The following VTI1A variants were observed in gnomAD, a reference collection of about 807,000 sequenced individuals.
VTI1A encodes vesicle transport through interaction with t-SNAREs homolog 1A.
A neutral mutation model predicts 34.9 loss-of-function variants in VTI1A; 22 were observed. That is an observed-to-expected ratio of 0.63 (90% CI 0.45 to 0.90). The LOEUF (loss-of-function observed/expected upper bound fraction) is 0.90, where lower values mean the gene tolerates loss of function less well. Ranked by LOEUF, VTI1A falls within the 40% of genes least tolerant of loss-of-function variation. VTI1A has a pLI of 0.00. For missense variants in VTI1A, 268 were observed against 275.6 expected, an observed-to-expected ratio of 0.97 and a Z score of 0.20; for synonymous variants, 87 against 97.3, an observed-to-expected ratio of 0.89 and a Z score of 0.62.
Position 112,463,147 on chromosome 10 carries a change from A to C in VTI1A, c.154-1400A>C, listed in dbSNP as rs189686725. ...ACCTTGTTGGTCAGGCTAGTCTCAA[A>C]CTCCTGACCTCAGGTGATCTACCTG... On this transcript the variant is annotated intron_variant, in intron 2 of 7. Transcript: ENST00000393077. Among the ~76,000 whole-genome samples the C allele has an allele frequency of 7.2e-5, 11 of 151,892 alleles. No individual in the cohort carries two copies. In the East Asian group the frequency reaches 2.1e-3, roughly 29 times the overall value.
intron 5 of VTI1A, among the ~76,000 whole-genome samples, chr10:112,599,350 A>G (rs569201004): frequency 1.1e-4 from 16 of 152,310 alleles, no homozygotes; most frequent in African/African-American, 3.9e-4. Flanking sequence ...GGCCAATTGG[A>G]CAGACCTGCT....
chr10:112,726,147 G>A (rs984387740), intron 7 of VTI1A, among the ~76,000 whole-genome samples: 4 of 152,116 alleles, frequency 2.6e-5, no homozygotes, highest in Non-Finnish European at 5.9e-5. Context: ...GGTTCCACCT[G>A]GATGCTCCCT....
intron 3 of VTI1A, among the ~76,000 whole-genome samples, chr10:112,488,417 ATGCAGAGCTT>A (rs1848716398): frequency 6.6e-6 from 1 of 152,220 alleles, no homozygotes; most frequent in African/African-American, 2.4e-5. Flanking sequence ...TATCATTATA[ATGCAGAGCTT>A]TCCTAAGTCT....
chr10:112,700,134 A>C (rs1484443727), intron 7 of VTI1A, among the ~76,000 whole-genome samples: 5 of 138,902 alleles, frequency 3.6e-5, no homozygotes, highest in African/African-American at 1.3e-4. Context: ...AAAAAAAAAA[A>C]ACAAAACAAA....
chr10:112,466,037 TAA>T, intron 3 of VTI1A, among the ~76,000 whole-genome samples: 1 of 152,132 alleles, frequency 6.6e-6, no homozygotes, highest in African/African-American at 2.4e-5. Flanking sequence ...TGACTCACTT[TAA>T]AAAATAAAAA....
intron 5 of VTI1A, among the ~76,000 whole-genome samples, chr10:112,663,305 G>A (rs1246957135): frequency 1.3e-5 from 2 of 152,088 alleles, no homozygotes; most frequent in South Asian, 2.1e-4. Flanking sequence ...GCCCTATATC[G>A]AAGTTGGTAT....
chr10:112,842,050 C>CTTTTTTTT, the VTI1A span, among the ~76,000 whole-genome samples: 24 of 93,162 alleles, frequency 2.6e-4, no homozygotes, highest in Non-Finnish European at 3.1e-4. Context: ...TTTTTTTTTT[C>CTTTTTTTT]CTTTTTTTTT....
intron 4 of VTI1A, among the ~76,000 whole-genome samples, chr10:112,528,969 CTG>C (rs1281189353): frequency 1.3e-5 from 2 of 152,044 alleles, no homozygotes; most frequent in Non-Finnish European, 2.9e-5. Context: ...CTAAAGAAAA[CTG>C]TTCCACAAAA....
At chr10:112,851,874 A>G in the VTI1A span, among the ~76,000 whole-genome samples, 1 of 152,204 alleles carries the variant, frequency 6.6e-6, no homozygotes, top group Non-Finnish European at 1.5e-5. Flanking sequence ...AACCTCAGTG[A>G]AATTACACTG....
intron 7 of VTI1A, among the ~76,000 whole-genome samples, chr10:112,785,618 T>C (rs1203754744): frequency 6.6e-6 from 1 of 152,244 alleles, no homozygotes; most frequent in African/African-American, 2.4e-5. Context: ...TGTTTTCTTC[T>C]AGAAGTTTTA....
At chr10:112,576,602 G>A (rs1367484088) in intron 5 of VTI1A, among the ~76,000 whole-genome samples, 6 of 152,132 alleles carry the variant, frequency 3.9e-5, no homozygotes, top group Non-Finnish European at 4.4e-5. Context: ...GGGTGGGATG[G>A]TGGAATGGTG....
the VTI1A span, among the ~76,000 whole-genome samples, chr10:112,852,003 A>G: frequency 1.3e-5 from 2 of 152,230 alleles, no homozygotes; most frequent in African/African-American, 2.4e-5. Flanking sequence ...AAAGAAAAAA[A>G]TAAAATGAAA....
chr10:112,671,676 A>G (rs1358678790), intron 7 of VTI1A: 1 of 152,202 alleles, frequency 6.6e-6, no homozygotes, highest in Non-Finnish European at 1.5e-5. Flanking sequence ...TGTTCCATTG[A>G]TACCAAGATC....
chr10:112,509,259 C>G (rs1229793398), intron 3 of VTI1A, among the ~76,000 whole-genome samples: 1 of 152,008 alleles, frequency 6.6e-6, no homozygotes, highest in Non-Finnish European at 1.5e-5. Flanking sequence ...AGTTCTTAAT[C>G]ACCGCTTAAA....
the VTI1A span, among the ~76,000 whole-genome samples, chr10:112,834,596 T>C: frequency 6.6e-6 from 1 of 152,244 alleles, no homozygotes; most frequent in Non-Finnish European, 1.5e-5. Context: ...ATTTCAGCTC[T>C]TGTTACCACC....
chr10:112,854,499 C>T, the VTI1A span, among the ~76,000 whole-genome samples: 1 of 151,716 alleles, frequency 6.6e-6, no homozygotes. Context: ...CTTACAGTCA[C>T]CAGCTGGGCC....
At chr10:112,498,893 T>C (rs1849123452) in intron 3 of VTI1A, among the ~76,000 whole-genome samples, 1 of 152,340 alleles carries the variant, frequency 6.6e-6, no homozygotes, top group East Asian at 1.9e-4. Flanking sequence ...TAAGTGTCTC[T>C]ACCTAAATTA....
At chr10:112,841,347 G>C in the VTI1A span, among the ~76,000 whole-genome samples, 2 of 152,290 alleles carry the variant, frequency 1.3e-5, no homozygotes, top group East Asian at 3.9e-4. Context: ...GCTAGATGAG[G>C]GTGTTCTGGA....
At chr10:112,705,120 T>C (rs911261199) in intron 7 of VTI1A, among the ~76,000 whole-genome samples, 1 of 151,500 alleles carries the variant, frequency 6.6e-6, no homozygotes, top group Non-Finnish European at 1.5e-5. Flanking sequence ...TCTGGGCTCG[T>C]CTGAACTCCT....
Sources: gnomAD v4.1 joint callset for allele counts (sites outside exome capture counted in the v4.1 genomes callset) on GRCh38, gnomAD v4.1.1 for gene constraint, MANE v1.5 for transcripts, NCBI Gene and HGNC (gene_info 2026-07-23, HGNC 2026-07-21) for gene names.